ZMAT4: variants seen among roughly 807,000 people sequenced by gnomAD.
The protein encoded by ZMAT4 is zinc finger matrin-type 4.
Under a neutral mutation model 28.7 loss-of-function variants are expected in ZMAT4, and 17 were observed. The ratio of observed to expected loss-of-function variants is 0.59; its 90% CI spans 0.41 to 0.89. ZMAT4 has a LOEUF of 0.89. ZMAT4 is among the 40% of genes least tolerant of loss of function. ZMAT4 has a pLI of 0.00. For synonymous variants in ZMAT4, 117 were observed against 109.2 expected (o/e 1.07, Z -0.44); for missense variants, 240 against 283.8 (o/e 0.85, Z 1.11).
chr8:40,822,142 C>G (rs1456143705), intron 2 of ZMAT4, among the ~76,000 whole-genome samples: 23 of 152,236 alleles, frequency 1.5e-4, no homozygotes, highest in Admixed American at 1.5e-3. Context: ...TAAAAGCAGA[C>G]AGCAGAATTC....
At chr8:40,619,096 C>G (rs1806114106) in intron 5 of ZMAT4, among the ~76,000 whole-genome samples, 2 of 152,096 alleles carry the variant, frequency 1.3e-5, no homozygotes, top group South Asian at 4.1e-4. Context: ...TGATTGGTTG[C>G]TAGGAGAAGG....
rs568552963 is a variant in ZMAT4, at chr8:40,736,294, A to G, written c.192+31347T>C. Among the ~76,000 whole-genome samples, 4 of 152,362 alleles carry G rather than the reference A, an allele frequency of 2.6e-5. 1 individual carries two copies. The South Asian group carries it at 8.3e-4, about 32-fold the overall frequency. ...CAAACAGCTCACCAGGAAAATGTAC[A>G]GGAGGTGGAGGAGGGACCCTGTTGG... is the stretch of plus-strand genomic sequence containing the variant. On this transcript the variant is annotated intron_variant, in intron 3 of 6. Coordinates refer to ENST00000297737, the MANE Select transcript of ZMAT4 (RefSeq NM_024645.3).
At chr8:40,622,489 G>A (rs1309961779) in intron 5 of ZMAT4, among the ~76,000 whole-genome samples, 1 of 152,252 alleles carries the variant, frequency 6.6e-6, no homozygotes, top group Non-Finnish European at 1.5e-5. Flanking sequence ...ACTGGGTGAA[G>A]TTGCACAAAT....
At chr8:40,640,979 AAAG>A (rs1382682970) in intron 5 of ZMAT4, among the ~76,000 whole-genome samples, 9 of 151,998 alleles carry the variant, frequency 5.9e-5, no homozygotes, top group Admixed American at 5.9e-4. Context: ...AAGAAAGAAA[AAAG>A]AAAAAAAAAA....
At chr8:40,657,089 G>A (rs1233829271) in intron 5 of ZMAT4, among the ~76,000 whole-genome samples, 1 of 152,132 alleles carries the variant, frequency 6.6e-6, no homozygotes, top group African/African-American at 2.4e-5. Context: ...GGAGTGCAAT[G>A]ATGCAATCTC....
intron 3 of ZMAT4, among the ~76,000 whole-genome samples, chr8:40,723,016 ATC>A (rs1811168578): frequency 6.6e-6 from 1 of 152,174 alleles, no homozygotes; most frequent in African/African-American, 2.4e-5. Context: ...CTGGAATTGC[ATC>A]TTCACTTGGG....
chr8:40,744,043 T>G (rs535454485), intron 3 of ZMAT4, among the ~76,000 whole-genome samples: 1 of 152,282 alleles, frequency 6.6e-6, no homozygotes, highest in South Asian at 2.1e-4. Context: ...TTTGACATGA[T>G]TATGGTTCAC....
intron 2 of ZMAT4, among the ~76,000 whole-genome samples, chr8:40,777,583 G>A (rs925970788): frequency 6.6e-6 from 1 of 152,232 alleles, no homozygotes; most frequent in Non-Finnish European, 1.5e-5. Context: ...AGCCTGAAAA[G>A]CAGGGCCCCT....
At chr8:40,891,687 T>A (rs1432401627) in intron 1 of ZMAT4, among the ~76,000 whole-genome samples, 1 of 152,058 alleles carries the variant, frequency 6.6e-6, no homozygotes, top group Admixed American at 6.5e-5. Context: ...TTCCTTCTGG[T>A]AGATCCCCTA....
intron 1 of ZMAT4, among the ~76,000 whole-genome samples, chr8:40,830,943 A>C (rs1586132652): frequency 6.6e-6 from 1 of 152,328 alleles, no homozygotes; most frequent in African/African-American, 2.4e-5. Context: ...ATGTAGATAA[A>C]CCATCTAGCA....
At chr8:40,625,440 T>A (rs536681954) in intron 5 of ZMAT4, among the ~76,000 whole-genome samples, 20 of 152,048 alleles carry the variant, frequency 1.3e-4, no homozygotes, top group Admixed American at 1.2e-3. Flanking sequence ...GTGGCCACAG[T>A]CAGGGAGAAG....
At chr8:40,659,532 A>C (rs988610665) in intron 5 of ZMAT4, among the ~76,000 whole-genome samples, 1 of 152,188 alleles carries the variant, frequency 6.6e-6, no homozygotes, top group African/African-American at 2.4e-5. Flanking sequence ...AGAGGGGACA[A>C]AATAAACCTT....
At chr8:40,679,404 T>C (rs1809052115) in intron 4 of ZMAT4, among the ~76,000 whole-genome samples, 1 of 152,198 alleles carries the variant, frequency 6.6e-6, no homozygotes, top group South Asian at 2.1e-4. Flanking sequence ...CTGGGTAATT[T>C]ACAAAGGAAA....
At chr8:40,884,333 A>G (rs558220837) in intron 1 of ZMAT4, among the ~76,000 whole-genome samples, 4 of 151,750 alleles carry the variant, frequency 2.6e-5, no homozygotes, top group South Asian at 4.2e-4. Flanking sequence ...CCACTGGCCC[A>G]TTTCCATCCA....
At chr8:40,604,263 A>G (rs1407145498) in intron 5 of ZMAT4, among the ~76,000 whole-genome samples, 3 of 152,230 alleles carry the variant, frequency 2.0e-5, no homozygotes, top group African/African-American at 7.2e-5. Context: ...TATGTTAAAT[A>G]GAAGTGGTGA....
intron 1 of ZMAT4, among the ~76,000 whole-genome samples, chr8:40,896,972 T>A (rs531603220): frequency 5.6e-4 from 81 of 144,836 alleles, no homozygotes; most frequent in African/African-American, 2.0e-3. Context: ...TTTGGCTTTT[T>A]CTTTTTTTTT....
intron 6 of ZMAT4, among the ~76,000 whole-genome samples, chr8:40,567,203 C>G (rs541823525): frequency 6.6e-6 from 1 of 152,042 alleles, no homozygotes; most frequent in Non-Finnish European, 1.5e-5. Flanking sequence ...TGAAAGCGAA[C>G]TTTATAGATT....
At chr8:40,763,990 A>AC (rs1813042993) in intron 3 of ZMAT4, among the ~76,000 whole-genome samples, 2 of 111,910 alleles carry the variant, frequency 1.8e-5, no homozygotes, top group Admixed American at 2.1e-4. Flanking sequence ...CACACACACA[A>AC]AAAAAAAACC....
chr8:40,651,613 T>C (rs1398596424), intron 5 of ZMAT4, among the ~76,000 whole-genome samples: 2 of 148,950 alleles, frequency 1.3e-5, no homozygotes, highest in African/African-American at 4.9e-5. Context: ...AGAGCCCGCA[T>C]CGCCAAGTCA....
Sources: gnomAD v4.1 joint callset for allele counts (sites outside exome capture counted in the v4.1 genomes callset) on GRCh38, gnomAD v4.1.1 for gene constraint, MANE v1.5 for transcripts, NCBI Gene and HGNC (gene_info 2026-07-23, HGNC 2026-07-21) for gene names.